OSBPL8: variants seen among roughly 807,000 people sequenced by gnomAD.
OSBPL8 encodes the protein oxysterol-binding protein-related protein 8.
OSBPL8 carries 59 observed loss-of-function variants against 125.5 expected under a neutral mutation model. The observed-to-expected ratio is 0.47, with a 90% CI of 0.38 to 0.58. OSBPL8 has a LOEUF of 0.58. Ranked by LOEUF, OSBPL8 falls within the 20% of genes least tolerant of loss-of-function variation. The pLI is 0.00. For synonymous variants in OSBPL8, 330 were observed against 338.9 expected (o/e 0.97, Z 0.29); for missense variants, 758 against 1,047.8 (o/e 0.72, Z 3.82).
intron 4 of OSBPL8, among the ~76,000 whole-genome samples, chr12:76,445,223 T>C (rs989063820): frequency 3.9e-5 from 6 of 152,128 alleles, no homozygotes; most frequent in African/African-American, 1.4e-4. Flanking sequence ...CTAACCAAGA[T>C]GGTAAAAGTA....
intron 2 of OSBPL8, among the ~76,000 whole-genome samples, chr12:76,463,350 C>G (rs1244924092): frequency 2.0e-5 from 3 of 152,044 alleles, no homozygotes; most frequent in Non-Finnish European, 4.4e-5. Flanking sequence ...TTATCTGAGA[C>G]AGAAAAGATA....
chr12:76,454,476 G>C (rs1462740438), intron 3 of OSBPL8, among the ~76,000 whole-genome samples: 1 of 151,658 alleles, frequency 6.6e-6, no homozygotes, highest in Non-Finnish European at 1.5e-5. Flanking sequence ...ATTGCTTGAG[G>C]CCAGGAGTTC....
chr12:76,454,096 TAAG>T (rs1159231109), intron 3 of OSBPL8, among the ~76,000 whole-genome samples: 1 of 152,200 alleles, frequency 6.6e-6, no homozygotes, highest in African/African-American at 2.4e-5. Flanking sequence ...TAATGGAGTA[TAAG>T]TTGATACAAG....
intron 15 of OSBPL8, among the ~76,000 whole-genome samples, chr12:76,379,388 T>C (rs565628258): frequency 2.0e-5 from 3 of 152,336 alleles, no homozygotes; most frequent in East Asian, 3.9e-4. Context: ...TTTACTGAAG[T>C]ATAAATTTAC....
chr12:76,497,390 G>T (rs1879390921), intron 1 of OSBPL8, among the ~76,000 whole-genome samples: 1 of 152,166 alleles, frequency 6.6e-6, no homozygotes, highest in African/African-American at 2.4e-5. Flanking sequence ...GTGATTCCTG[G>T]TGTAGTGTTT....
intron 8 of OSBPL8, among the ~76,000 whole-genome samples, 192 bp from the exon 9 acceptor site, chr12:76,394,921 C>CT (rs1229402659): frequency 6.6e-6 from 1 of 152,006 alleles, no homozygotes; most frequent in African/African-American, 2.4e-5. Context: ...ACAAATATAT[C>CT]TCCTTAGCAG....
intron 12 of OSBPL8, among the ~76,000 whole-genome samples, chr12:76,387,536 CA>C (rs1478623113): frequency 6.6e-6 from 1 of 152,112 alleles, no homozygotes; most frequent in Non-Finnish European, 1.5e-5. Flanking sequence ...GCAATCGTTG[CA>C]AAAACCTGAT....
At chr12:76,533,629 G>A (rs1291280638) in intron 1 of OSBPL8, among the ~76,000 whole-genome samples, 2 of 152,100 alleles carry the variant, frequency 1.3e-5, no homozygotes, top group African/African-American at 4.8e-5. Flanking sequence ...ACAACTTAAA[G>A]GCGAGAAACT....
At chr12:76,471,363 C>T (rs1416132718) in intron 2 of OSBPL8, among the ~76,000 whole-genome samples, 1 of 152,132 alleles carries the variant, frequency 6.6e-6, no homozygotes, top group Non-Finnish European at 1.5e-5. Context: ...GGAATGGTAC[C>T]TCCCACCAAA....
chr12:76,407,803 CCA>C (rs1954334566), intron 5 of OSBPL8, among the ~76,000 whole-genome samples: 1 of 152,040 alleles, frequency 6.6e-6, no homozygotes, highest in African/African-American at 2.4e-5. Flanking sequence ...ACTTTCTGCA[CCA>C]CAGTCTGGGA....
At chr12:76,477,514 A>G (rs1046379699) in intron 2 of OSBPL8, among the ~76,000 whole-genome samples, 1 of 152,206 alleles carries the variant, frequency 6.6e-6, no homozygotes, top group Non-Finnish European at 1.5e-5. Context: ...AAAATAACTA[A>G]CCAGTAGCCC....
intron 4 of OSBPL8, among the ~76,000 whole-genome samples, chr12:76,432,046 C>T (rs2140489): frequency 0.21 from 32,617 of 151,862 alleles, 3,706 homozygotes; most frequent in Non-Finnish European, 0.26. Context: ...CACAAAGGAA[C>T]GAAACAGTAA....
At chr12:76,449,097 T>C (rs529330953) in intron 4 of OSBPL8, among the ~76,000 whole-genome samples, 23 of 152,178 alleles carry the variant, frequency 1.5e-4, no homozygotes, top group Admixed American at 1.2e-3. Flanking sequence ...TAAAGCCAAA[T>C]TTCAAAAGAT....
intron 2 of OSBPL8, among the ~76,000 whole-genome samples, chr12:76,486,741 A>T (rs1823234842): frequency 1.3e-5 from 2 of 152,338 alleles, no homozygotes; most frequent in South Asian, 4.1e-4. Flanking sequence ...ATTTTTATAA[A>T]AAGAATATAT....
intron 1 of OSBPL8, among the ~76,000 whole-genome samples, chr12:76,529,837 G>A (rs774701985): frequency 1.3e-5 from 2 of 152,148 alleles, no homozygotes; most frequent in South Asian, 2.1e-4. Context: ...CTTTATACTC[G>A]AAGACACATT....
intron 1 of OSBPL8, among the ~76,000 whole-genome samples, chr12:76,547,006 C>T (rs1950799245): frequency 6.6e-6 from 1 of 152,176 alleles, no homozygotes; most frequent in South Asian, 2.1e-4. Flanking sequence ...GGATTTAAGC[C>T]TTCCAAATCA....
chr12:76,499,041 C>A (rs1325816499), intron 1 of OSBPL8, among the ~76,000 whole-genome samples: 1 of 152,046 alleles, frequency 6.6e-6, no homozygotes, highest in African/African-American at 2.4e-5. Flanking sequence ...AGTCAGTGGA[C>A]TGGGAAAGGC....
At chr12:76,498,763 A>G (rs1479435999) in intron 1 of OSBPL8, among the ~76,000 whole-genome samples, 1 of 114,954 alleles carries the variant, frequency 8.7e-6, no homozygotes. Context: ...AGGGTCACCC[A>G]GAATGGAGTG....
chr12:76,515,867 A>G (rs1881484326), intron 1 of OSBPL8, among the ~76,000 whole-genome samples: 1 of 152,128 alleles, frequency 6.6e-6, no homozygotes, highest in Non-Finnish European at 1.5e-5. Context: ...CACACATATT[A>G]GCTGCTTCTA....
Sources: allele counts gnomAD v4.1 joint callset (sites outside exome capture counted in the v4.1 genomes callset), GRCh38; gene constraint gnomAD v4.1.1; transcripts MANE v1.5; gene names NCBI Gene and HGNC (gene_info 2026-07-23, HGNC 2026-07-21).